Variants in HCN2 observed in about 807,000 individuals in gnomAD.
The protein encoded by HCN2 is hyperpolarization activated cyclic nucleotide gated potassium and sodium channel 2.
Under a neutral mutation model 52.3 loss-of-function variants are expected in HCN2, and 20 were observed. The ratio of observed to expected loss-of-function variants is 0.38; its 90% CI spans 0.27 to 0.56. The LOEUF (loss-of-function observed/expected upper bound fraction) is 0.56. HCN2 is among the 20% of genes least tolerant of loss of function. The pLI is 0.71. For synonymous variants in HCN2, 694 were observed against 537.0 expected (o/e 1.29, Z -4.04); for missense variants, 981 against 1,207.7 (o/e 0.81, Z 2.78).
intron 4 of HCN2, among the ~76,000 whole-genome samples, chr19:609,254 G>T (rs1983524967): frequency 6.6e-6 from 1 of 152,188 alleles, no homozygotes; most frequent in African/African-American, 2.4e-5. Context: ...GGAGCTGCCG[G>T]GGGGCACCGT....
Position 590,202 on chromosome 19 carries a change from G to A in HCN2, c.257G>A (p.Gly86Asp). Residue 86 changes from glycine (G) to aspartate (D), a missense_variant, in exon 1 of 8, where the codon GGC becomes GAC. Around this residue, in one of 6 missense-constraint regions of HCN2, gnomAD observed 215 missense variants for 179.4 expected, o/e 1.20. Transcript: ENST00000251287. The surrounding 1 kb of genome is among the most constrained non-coding windows in gnomAD (Gnocchi z 7.2). ...RSRDSSCGRP[G>D]TPGAASTAKG... The stretch of plus-strand genomic sequence containing the variant: ...CGCGACAGCTCGTGCGGCCGCCCCG[G>A]CACCCCGGGCGCGGCGAGCACGGCC... 1 of 983,346 alleles carries A rather than the reference G, an allele frequency of 1.0e-6. No homozygotes were observed. The allele number at this position is 983,346 out of a possible 1,614,324, so 60.9% of individuals were successfully genotyped here. A position where few individuals can be genotyped will look rare whatever the true frequency, so the allele number is the denominator to read the frequency against.
rs1982883705 is a variant in HCN2, at chr19:591,860, G to C, written c.632+1283G>C. On this transcript the variant is annotated intron_variant, in intron 1 of 7. Transcript: ENST00000251287. This position sits in a 1 kb window ranked among gnomAD's most constrained non-coding sequence, Gnocchi z 4.1. ...CTAGTGCTTGACTGGAGAAACTGAG[G>C]CCTGGGGCACATGCGTCCTGGACAG... Among the ~76,000 whole-genome samples, 1 of 152,194 alleles carries C rather than the reference G, an allele frequency of 6.6e-6. No homozygotes were observed. The highest frequency in any genetic ancestry group is 6.5e-5 in the Admixed American group (1 of 15,286).
At position 590,645 on chromosome 19, in the gene HCN2, T is replaced by C; in HGVS notation, c.632+68T>C. 2 of 1,191,956 alleles carry C rather than the reference T, an allele frequency of 1.7e-6. No homozygotes were observed. Among genetic ancestry groups the C allele is most frequent in the East Asian group, 3.4e-5 (1 of 29,004 alleles). 73.8% of individuals were successfully genotyped at this position (1,191,956 alleles called of 1,614,324 possible). On this transcript the variant is annotated intron_variant, in intron 1 of 7. Coordinates refer to ENST00000251287, the MANE Select transcript of HCN2 (RefSeq NM_001194.4). This position sits in a 1 kb window ranked among gnomAD's most constrained non-coding sequence, Gnocchi z 7.2. Reference sequence around the variant, plus strand: ...GAGCCGGGCGCGCGGGGAGCCGTCCTTGGAGCGCCTGGGGAGGGCGGGGCG... The same window carrying C: ...GAGCCGGGCGCGCGGGGAGCCGTCCCTGGAGCGCCTGGGGAGGGCGGGGCG...
chr19:615,663 G>A, intron 7 of HCN2, 132 bp from the exon 8 acceptor site: 3 of 789,350 alleles, frequency 3.8e-6, no homozygotes, highest in Non-Finnish European at 6.5e-6. Flanking sequence ...ATTGTATACA[G>A]TAGGTGGTAA....
chr19:610,436 G>GC (rs1320327076), intron 5 of HCN2, 31 bp downstream of exon 5: 1 of 1,602,590 alleles, frequency 6.2e-7, no homozygotes, highest in African/African-American at 1.3e-5. Flanking sequence ...GCGGGAGGCA[G>GC]CCTCCGGTAC....
chr19:603,981 G>T lies in HCN2; in HGVS notation c.1056+14G>T, dbSNP rs780166639. On this transcript the variant is annotated intron_variant, in intron 2 of 7. Transcript: ENST00000251287. ...CAGTGGGAGGAGGTGAGGTGGGGCG[G>T]GGGCGGGGCCAAGGCAGCAGGGGCG... 25 of 1,585,958 alleles carry T rather than the reference G, an allele frequency of 1.6e-5. 3 individuals carry two copies. Among genetic ancestry groups the T allele is most frequent in the South Asian group, 2.2e-5 (2 of 89,730 alleles).
chr19:614,447 G>A (rs894519585), intron 7 of HCN2, among the ~76,000 whole-genome samples: 5 of 152,196 alleles, frequency 3.3e-5, no homozygotes, highest in Admixed American at 6.5e-5. Flanking sequence ...ACACGACTGG[G>A]CTGTGTGCCA....
intron 7 of HCN2, among the ~76,000 whole-genome samples, chr19:614,388 G>C (rs1309010415): frequency 1.3e-5 from 2 of 152,166 alleles, no homozygotes; most frequent in Non-Finnish European, 2.9e-5. Context: ...ACAGACCCGG[G>C]GGCCCACTCA....
At chr19:598,287 C>T (rs896350531) in intron 1 of HCN2, among the ~76,000 whole-genome samples, 1 of 152,110 alleles carries the variant, frequency 6.6e-6, no homozygotes, top group Non-Finnish European at 1.5e-5. Context: ...GAGGGGACCC[C>T]TCCCCACCCC....
Position 614,851 on chromosome 19 carries a change from T to C in HCN2, c.1990+835T>C, listed in dbSNP as rs567826018. ...GGGGCAGGGAGGGGCAGAGCCCTGA[T>C]GACTGGATGTAGGCGCCAGAGAGAT... On this transcript the variant is annotated intron_variant, in intron 7 of 7. Coordinates refer to ENST00000251287, the MANE Select transcript of HCN2 (RefSeq NM_001194.4). Among the ~76,000 whole-genome samples, 103 of 152,184 alleles carry C rather than the reference T, an allele frequency of 6.8e-4. 1 individual carries two copies. Among genetic ancestry groups the C allele is most frequent in the African/African-American group, 2.4e-3 (99 of 41,512 alleles).
At chr19:595,123 G>GCA (rs1304240966) in intron 1 of HCN2, among the ~76,000 whole-genome samples, 1 of 150,840 alleles carries the variant, frequency 6.6e-6, no homozygotes, top group Non-Finnish European at 1.5e-5. Context: ...GATCACCTGA[G>GCA]CCCAGGAGGT....
Position 590,278 on chromosome 19 carries a change from C to T in HCN2, c.333C>T (p.Pro111=). ...ECGRGEPQCS[P]AGPEGPARGP... Reference sequence around the variant, plus strand: ...GGCGCGGCGAGCCGCAGTGCAGCCCCGCGGGGCCCGAGGGCCCGGCGCGGG... The same window carrying T: ...GGCGCGGCGAGCCGCAGTGCAGCCCTGCGGGGCCCGAGGGCCCGGCGCGGG... Residue 111 remains proline (P), a synonymous_variant, in exon 1 of 8, where the codon CCC becomes CCT. Transcript: ENST00000251287. This position sits in a 1 kb window ranked among gnomAD's most constrained non-coding sequence, Gnocchi z 7.2. The T allele has an allele frequency of 3.0e-6, 3 of 988,196 alleles. No homozygotes were observed. The highest frequency in any genetic ancestry group is 9.1e-5 in the South Asian group (2 of 22,094). 61.2% of individuals were successfully genotyped at this position (988,196 alleles called of 1,614,324 possible).
In HCN2 at chr19:590,635, G is replaced by C; in HGVS notation, c.632+58G>C. 1 of 1,248,080 alleles carries C rather than the reference G, an allele frequency of 8.0e-7. No individual in the cohort carries two copies. The highest frequency in any genetic ancestry group is 1.0e-6 in the Non-Finnish European group (1 of 981,628). The allele number at this position is 1,248,080 out of a possible 1,614,324, so 77.3% of individuals were successfully genotyped here. ...GGGGCCCGGGGAGCCGGGCGCGCGG[G>C]GAGCCGTCCTTGGAGCGCCTGGGGA... On this transcript the variant is annotated intron_variant, in intron 1 of 7. Coordinates refer to ENST00000251287, the MANE Select transcript of HCN2 (RefSeq NM_001194.4). This position sits in a 1 kb window ranked among gnomAD's most constrained non-coding sequence, Gnocchi z 7.2.
In HCN2 at chr19:615,701, CTGTG is replaced by C. The variant is rs901074148; in HGVS notation, c.1991-91_1991-88del. The C allele has an allele frequency of 3.2e-6, 4 of 1,231,708 alleles. No individual in the cohort carries two copies. The South Asian group carries it at 4.9e-5, about 15-fold the overall frequency. 76.3% of individuals were successfully genotyped at this position (1,231,708 alleles called of 1,614,324 possible). ...GCATGCTTGCTCTACACGGCAAGCA[CTGTG>C]TGCGCACCCGCGGTGCAGAGTAGGT... On this transcript the variant is annotated intron_variant, in intron 7 of 7. Transcript: ENST00000251287.
At position 611,762 on chromosome 19, in the gene HCN2, G is replaced by C. The variant is rs575233270; in HGVS notation, c.1584+1357G>C. Among the ~76,000 whole-genome samples the C allele has an allele frequency of 3.3e-5, 5 of 152,248 alleles. No individual in the cohort carries two copies. The South Asian group carries it at 1.0e-3, about 32-fold the overall frequency. On this transcript the variant is annotated intron_variant, in intron 5 of 7. Coordinates refer to ENST00000251287, the MANE Select transcript of HCN2 (RefSeq NM_001194.4). Reference sequence around the variant, plus strand: ...GCCCAAAAGGAGACCTGGGGTGTTAGTCACCAGCTCACTCCCCGTCCCCAG... The same window carrying C: ...GCCCAAAAGGAGACCTGGGGTGTTACTCACCAGCTCACTCCCCGTCCCCAG...
chr19:608,050 C>T lies in HCN2; in HGVS notation c.1305C>T (p.Pro435=), dbSNP rs368577337. ...GCATCGGGTACGGCCGGCAGGCGCC[C>T]GAGAGCATGACGGACATCTGGCTGA... is the stretch of plus-strand genomic sequence containing the variant. ...MLCIGYGRQA[P]ESMTDIWLTM... The change falls in exon 4 of 8, where the codon CCC becomes CCT. Residue 435 remains proline, a synonymous_variant. Coordinates refer to ENST00000251287, the MANE Select transcript of HCN2 (RefSeq NM_001194.4). 17 of 1,612,994 alleles carry T rather than the reference C, an allele frequency of 1.1e-5. No homozygotes were observed. Among genetic ancestry groups the T allele is most frequent in the South Asian group, 9.9e-5 (9 of 91,084 alleles).
rs1983902675 is a variant in HCN2 at position 616,110 on chromosome 19, C to T, written c.2306C>T (p.Ala769Val). 1 of 960,708 alleles carries T rather than the reference C, an allele frequency of 1.0e-6. No individual in the cohort carries two copies. The highest frequency in any genetic ancestry group is 4.6e-5 in the South Asian group (1 of 21,506). The allele number at this position is 960,708 out of a possible 1,614,324, so 59.5% of individuals were successfully genotyped here. A position where few individuals can be genotyped will look rare whatever the true frequency, so the allele number is the denominator to read the frequency against. ...RRPPPGPAPAAASPGPPPPAS... is the reference protein window; with the variant it reads ...RRPPPGPAPAVASPGPPPPAS... ...CCGCCCCCGGGGCCCGCACCTGCCG[C>T]CGCCTCACCCGGGCCCCCGCCCCCC... Residue 769 changes from alanine to valine, a missense_variant, in exon 8 of 8, where the codon GCC (alanine) becomes GTC (valine). Transcript: ENST00000251287.
Position 616,920 on chromosome 19 carries a change from C to G in HCN2, c.*446C>G, listed in dbSNP as rs574923105. ...GCCCCCATCGCGCTCACGCAATAAC[C>G]GGCCCGGCCCCCGTCCGCGCGCGTC... is the stretch of plus-strand genomic sequence containing the variant. On this transcript the variant is annotated 3_prime_UTR_variant, in exon 8 of 8. Transcript: ENST00000251287. 1.1e-5 allele frequency: 4 copies of G among 348,138 alleles called. No homozygotes were observed. The highest frequency in any genetic ancestry group is 2.1e-5 in the Non-Finnish European group (4 of 186,178). 21.6% of individuals were successfully genotyped at this position (348,138 alleles called of 1,614,324 possible).
In HCN2 at chr19:613,236, T is replaced by TC. The variant is rs1390351927; in HGVS notation, c.1585-6dup. 6.2e-6 allele frequency: 10 copies of TC among 1,606,234 alleles called. No homozygotes were observed. The highest frequency in any genetic ancestry group is 2.2e-5 in the East Asian group (1 of 44,576). On this transcript the variant is annotated splice_polypyrimidine_tract_variant and intron_variant, in intron 5 of 7. Transcript: ENST00000251287. ...GGTCCGCAGCGGACCCAGCCCTGCC[T>TC]CCCCCCTGCAGGAGATCGTCAACTT...
Sources: allele counts gnomAD v4.1 joint callset (sites outside exome capture counted in the v4.1 genomes callset), GRCh38; gene constraint gnomAD v4.1.1; regional missense constraint gnomAD v4.1.1; non-coding constraint Gnocchi (gnomAD v3.1); transcripts MANE v1.5; gene names NCBI Gene and HGNC (gene_info 2026-07-23, HGNC 2026-07-21).